SNX29: variants seen among roughly 807,000 people sequenced by gnomAD.
The protein encoded by SNX29 is sorting nexin 29.
Under a neutral mutation model 102.1 loss-of-function variants are expected in SNX29, and 78 were observed. The ratio of observed to expected loss-of-function variants is 0.76; its 90% CI spans 0.64 to 0.92. The LOEUF (loss-of-function observed/expected upper bound fraction) is 0.92, where lower values mean the gene tolerates loss of function less well. Among genes scored for constraint, SNX29 ranks in the 40% least tolerant of loss-of-function variants. SNX29 has a pLI of 0.00. For missense variants in SNX29, 1,280 were observed against 1,061.7 expected, an observed-to-expected ratio of 1.21 and a Z score of -2.86; for synonymous variants, 580 against 414.5, an observed-to-expected ratio of 1.40 and a Z score of -4.85.
intron 15 of SNX29, among the ~76,000 whole-genome samples, chr16:12,303,355 A>G (rs1204478464): frequency 6.6e-6 from 1 of 152,248 alleles, no homozygotes; most frequent in Non-Finnish European, 1.5e-5. Flanking sequence ...TCCATCGATA[A>G]GAGAGTCGAT....
intron 10 of SNX29, among the ~76,000 whole-genome samples, chr16:12,069,552 G>A (rs1368689414): frequency 1.3e-5 from 2 of 152,126 alleles, no homozygotes; most frequent in African/African-American, 4.8e-5. Flanking sequence ...ACTGATGTGA[G>A]CAGATTTAGT....
chr16:12,382,606 G>A (rs955413399), intron 16 of SNX29, among the ~76,000 whole-genome samples: 2 of 152,220 alleles, frequency 1.3e-5, no homozygotes, highest in African/African-American at 2.4e-5. Flanking sequence ...TCTTAGAGCT[G>A]CTGTAACCAA....
chr16:12,503,485 T>A (rs930799141), intron 19 of SNX29, among the ~76,000 whole-genome samples: 5 of 152,134 alleles, frequency 3.3e-5, no homozygotes, highest in African/African-American at 1.2e-4. Context: ...GGAGGGTCTG[T>A]GACCAGAACA....
intron 15 of SNX29, among the ~76,000 whole-genome samples, chr16:12,314,374 A>T (rs2080663219): frequency 6.6e-6 from 1 of 152,214 alleles, no homozygotes; most frequent in Non-Finnish European, 1.5e-5. Context: ...CCTGAAAGAG[A>T]AGCAGCACAG....
rs563818969 is a variant in SNX29, at chr16:12,528,906, T to C, written c.2318+4065T>C. ...AAAGATAAAAACCAGTGGGTAGAAA[T>C]TGCTTGTGTTTTTCCTCACAAATAT... On this transcript the variant is annotated intron_variant, in intron 20 of 20. Transcript: ENST00000566228. 2.0e-5 allele frequency among the ~76,000 whole-genome samples: 3 copies of C among 152,268 alleles called. No homozygotes were observed. In the South Asian group the frequency reaches 6.2e-4, roughly 32 times the overall value.
At chr16:12,396,375 T>A (rs1211194902) in intron 16 of SNX29, among the ~76,000 whole-genome samples, 1 of 152,184 alleles carries the variant, frequency 6.6e-6, no homozygotes, top group East Asian at 1.9e-4. Context: ...GGGTGCAAAC[T>A]CTGTTCACTT....
At chr16:12,536,277 A>G (rs950141182) in intron 20 of SNX29, among the ~76,000 whole-genome samples, 3 of 152,040 alleles carry the variant, frequency 2.0e-5, no homozygotes, top group South Asian at 2.1e-4. Flanking sequence ...AGAGTTGAGG[A>G]TGTTTTTCTC....
At chr16:12,347,127 G>C (rs148971893) in intron 15 of SNX29, among the ~76,000 whole-genome samples, 34 of 152,210 alleles carry the variant, frequency 2.2e-4, no homozygotes, top group Admixed American at 1.0e-3. Context: ...GCTTGTTGCA[G>C]AGGTGATCAA....
intron 13 of SNX29, among the ~76,000 whole-genome samples, chr16:12,190,196 C>T (rs1189580921): frequency 6.6e-6 from 1 of 152,110 alleles, no homozygotes; most frequent in East Asian, 1.9e-4. Flanking sequence ...AGGACCCTGG[C>T]CTAGTGCTGG....
intron 15 of SNX29, among the ~76,000 whole-genome samples, chr16:12,293,669 G>T (rs7186319): frequency 1.3e-5 from 2 of 152,196 alleles, no homozygotes; most frequent in Non-Finnish European, 2.9e-5. Flanking sequence ...TAGCTTGGTA[G>T]AAAGAACATA....
chr16:12,186,674 T>G (rs976200242), intron 13 of SNX29, among the ~76,000 whole-genome samples: 1 of 152,236 alleles, frequency 6.6e-6, no homozygotes, highest in Non-Finnish European at 1.5e-5. Flanking sequence ...CTCTTTAATC[T>G]GGGGAACACC....
intron 16 of SNX29, among the ~76,000 whole-genome samples, chr16:12,364,737 C>G (rs925998074): frequency 6.6e-6 from 1 of 152,148 alleles, no homozygotes; most frequent in African/African-American, 2.4e-5. Context: ...TTATTTTGGT[C>G]CCACTGGCAA....
intron 19 of SNX29, among the ~76,000 whole-genome samples, chr16:12,495,033 C>T (rs1052050281): frequency 2.0e-5 from 3 of 152,212 alleles, no homozygotes; most frequent in African/African-American, 7.2e-5. Flanking sequence ...CCTCATGTGA[C>T]CCCTGAAGCC....
At chr16:12,288,499 T>C (rs1379874600) in intron 15 of SNX29, among the ~76,000 whole-genome samples, 2 of 152,164 alleles carry the variant, frequency 1.3e-5, no homozygotes, top group Non-Finnish European at 2.9e-5. Flanking sequence ...CCACTGGAGC[T>C]GTGACACCGC....
At chr16:12,271,705 C>G (rs958591011) in intron 14 of SNX29, among the ~76,000 whole-genome samples, 3 of 151,952 alleles carry the variant, frequency 2.0e-5, no homozygotes, top group African/African-American at 7.3e-5. Context: ...TCACTGCAAC[C>G]TCCGCCTCCT....
chr16:12,095,186 G>T (rs1030602587), intron 11 of SNX29: 3 of 152,172 alleles, frequency 2.0e-5, no homozygotes, highest in African/African-American at 7.2e-5. Flanking sequence ...AATTCATTCA[G>T]TTGATATTTG....
At chr16:12,439,003 T>C (rs2085671421) in intron 18 of SNX29, among the ~76,000 whole-genome samples, 1 of 152,162 alleles carries the variant, frequency 6.6e-6, no homozygotes, top group Non-Finnish European at 1.5e-5. Context: ...ATGTAGACCA[T>C]TGTCTTCCAT....
intron 15 of SNX29, among the ~76,000 whole-genome samples, chr16:12,355,652 C>T (rs1234763575): frequency 6.6e-6 from 1 of 152,002 alleles, no homozygotes; most frequent in Admixed American, 6.6e-5. Context: ...CATCTGTAGT[C>T]ACCTCCAGTT....
chr16:12,372,426 T>C (rs1005468127), intron 16 of SNX29: 1 of 152,216 alleles, frequency 6.6e-6, no homozygotes, highest in Non-Finnish European at 1.5e-5. Flanking sequence ...AATCTTATGT[T>C]GTTCTTTGTT....
Sources: gnomAD v4.1 joint callset for allele counts (sites outside exome capture counted in the v4.1 genomes callset) on GRCh38, gnomAD v4.1.1 for gene constraint, MANE v1.5 for transcripts, NCBI Gene and HGNC (gene_info 2026-07-23, HGNC 2026-07-21) for gene names.